Variants in RHOU observed in about 807,000 individuals in gnomAD.
The protein encoded by RHOU is rho-related GTP-binding protein RhoU.
RHOU carries 8 observed loss-of-function variants against 12.6 expected under a neutral mutation model. The ratio of observed to expected loss-of-function variants is 0.64; its 90% CI spans 0.37 to 1.15. The LOEUF (loss-of-function observed/expected upper bound fraction) is 1.15, where lower values mean the gene tolerates loss of function less well. Ranked by LOEUF, RHOU falls within the 50% of genes most tolerant of loss-of-function variation. The pLI, the probability that RHOU is intolerant of heterozygous loss-of-function variation, is 0.01. For missense variants in RHOU, 258 were observed against 347.0 expected (o/e 0.74, Z 2.04); for synonymous variants, 161 against 147.4 (o/e 1.09, Z -0.67).
chr1:228,735,849 C>CGG lies in RHOU; in HGVS notation c.112_113dup (p.Arg39AlafsTer30). The CGG allele has an allele frequency of 7.9e-7, 1 of 1,273,012 alleles. No homozygotes were observed. Among genetic ancestry groups the CGG allele is most frequent in the Non-Finnish European group, 1.0e-6 (1 of 998,168 alleles). The allele number at this position is 1,273,012 out of a possible 1,614,324, so 78.9% of individuals were successfully genotyped here. A position where few individuals can be genotyped will look rare whatever the true frequency, so the allele number is the denominator to read the frequency against. ...CGCGGGGGACGCGGGCCTGGGGAGC[C>CGG]GGGGGGCCGGGGGCGTGCGGGGGGT... On this transcript the variant is annotated frameshift_variant, in exon 1 of 3. Coordinates refer to ENST00000366691, the MANE Select transcript of RHOU (RefSeq NM_021205.6). LOFTEE classifies it high-confidence loss of function. This position sits in a 1 kb window ranked among gnomAD's most constrained non-coding sequence, Gnocchi z 8.1.
chr1:228,697,285 A>G, the RHOU span, among the ~76,000 whole-genome samples: 4 of 152,192 alleles, frequency 2.6e-5, no homozygotes, highest in Non-Finnish European at 5.9e-5. Flanking sequence ...TCCTGTAATG[A>G]AATTTTATCT....
the RHOU span, among the ~76,000 whole-genome samples, chr1:228,699,377 G>T: frequency 6.7e-6 from 1 of 148,824 alleles, no homozygotes; most frequent in Non-Finnish European, 1.5e-5. Flanking sequence ...AAGCCCAGGA[G>T]GTTGAGACTG....
the RHOU span, among the ~76,000 whole-genome samples, chr1:228,649,720 G>A: frequency 3.9e-5 from 6 of 152,194 alleles, no homozygotes; most frequent in African/African-American, 7.2e-5. Context: ...ATGTTCCAGA[G>A]GGCCCTGAAA....
the RHOU span, among the ~76,000 whole-genome samples, chr1:228,682,581 C>A: frequency 2.0e-5 from 3 of 151,968 alleles, no homozygotes; most frequent in Non-Finnish European, 4.4e-5. Flanking sequence ...GGGAGAATTA[C>A]AAAGAATCTT....
the RHOU span, among the ~76,000 whole-genome samples, chr1:228,674,705 T>C: frequency 4.6e-5 from 7 of 151,554 alleles, no homozygotes; most frequent in African/African-American, 1.7e-4. Context: ...CATGACTGTA[T>C]ACTTGTATAT....
chr1:228,707,740 A>G, the RHOU span, among the ~76,000 whole-genome samples: 3 of 152,182 alleles, frequency 2.0e-5, no homozygotes, highest in Non-Finnish European at 2.9e-5. Context: ...AAACTCTAAA[A>G]AGCAGAGTGC....
chr1:228,707,134 A>ATATATG, the RHOU span, among the ~76,000 whole-genome samples: 1 of 127,490 alleles, frequency 7.8e-6, no homozygotes. Flanking sequence ...ATACATATAT[A>ATATATG]TATATATATA....
the RHOU span, among the ~76,000 whole-genome samples, chr1:228,675,123 G>A: frequency 6.6e-6 from 1 of 152,086 alleles, no homozygotes; most frequent in Admixed American, 6.5e-5. Context: ...GATTTAAGTA[G>A]GGTTCAAGTT....
the RHOU span, chr1:228,651,252 A>C: frequency 4.9e-6 from 1 of 203,378 alleles, no homozygotes; most frequent in South Asian, 1.1e-4. Flanking sequence ...AGCCATTTGC[A>C]GACATTTAGC....
At chr1:228,694,185 C>T in the RHOU span, among the ~76,000 whole-genome samples, 1 of 152,178 alleles carries the variant, frequency 6.6e-6, no homozygotes, top group African/African-American at 2.4e-5. Flanking sequence ...CATTGTTTTT[C>T]AGCAATTGGA....
chr1:228,705,993 C>T, the RHOU span, among the ~76,000 whole-genome samples: 2 of 152,124 alleles, frequency 1.3e-5, no homozygotes, highest in South Asian at 2.1e-4. Flanking sequence ...TGCAGTGAGT[C>T]GAGATTGCAC....
chr1:228,649,531 CTG>C, the RHOU span, among the ~76,000 whole-genome samples: 9 of 152,280 alleles, frequency 5.9e-5, no homozygotes, highest in Non-Finnish European at 1.2e-4. Flanking sequence ...ATTCATGTAA[CTG>C]TCTGTATTTC....
Position 228,737,648 on chromosome 1 carries a change from T to C in RHOU, c.263-25T>C. ...AAAGGGGTTAAAAGACACCTCCTGA[T>C]TGTCATTTTGGTTTTGTTTTTAAGC... On this transcript the variant is annotated intron_variant, in intron 1 of 2. Coordinates refer to ENST00000366691, the MANE Select transcript of RHOU (RefSeq NM_021205.6). This position sits in a 1 kb window ranked among gnomAD's most constrained non-coding sequence, Gnocchi z 4.1. 8.7e-6 allele frequency: 14 copies of C among 1,612,498 alleles called. No homozygotes were observed. The highest frequency in any genetic ancestry group is 1.7e-4 in the Middle Eastern group (1 of 6,052).
chr1:228,661,572 C>A, the RHOU span, among the ~76,000 whole-genome samples: 298 of 152,234 alleles, frequency 2.0e-3, 1 homozygote, highest in Non-Finnish European at 3.8e-3. Flanking sequence ...AAAACAATAA[C>A]TGGGAAAAGG....
At chr1:228,662,196 A>C in the RHOU span, among the ~76,000 whole-genome samples, 1 of 152,198 alleles carries the variant, frequency 6.6e-6, no homozygotes, top group Admixed American at 6.5e-5. Flanking sequence ...GCTGGAGAGG[A>C]TGTGGAGAAA....
chr1:228,653,750 C>T, the RHOU span, among the ~76,000 whole-genome samples: 80 of 152,300 alleles, frequency 5.3e-4, no homozygotes, highest in Non-Finnish European at 9.6e-4. Context: ...GCCACTGTGA[C>T]CAGCCTCAAG....
At chr1:228,660,141 A>G in the RHOU span, among the ~76,000 whole-genome samples, 1 of 151,914 alleles carries the variant, frequency 6.6e-6, no homozygotes, top group Non-Finnish European at 1.5e-5. Context: ...GTGACAGATG[A>G]GACCCTGTCT....
At chr1:228,733,143 G>C (rs777771230), upstream of RHOU, among the ~76,000 whole-genome samples, 8 of 152,196 alleles carry the variant, frequency 5.3e-5, no homozygotes, top group Non-Finnish European at 1.0e-4. Flanking sequence ...ACAAACATGG[G>C]AATTCAGATC....
the RHOU span, chr1:228,651,316 G>GCCCA: frequency 6.0e-6 from 1 of 167,938 alleles, no homozygotes; most frequent in Non-Finnish European, 1.4e-5. Flanking sequence ...TGGCTCCAGT[G>GCCCA]CCCACCCACT....
Sources: allele counts gnomAD v4.1 joint callset (sites outside exome capture counted in the v4.1 genomes callset), GRCh38; gene constraint gnomAD v4.1.1; non-coding constraint Gnocchi (gnomAD v3.1); transcripts MANE v1.5; gene names NCBI Gene and HGNC (gene_info 2026-07-23, HGNC 2026-07-21).